MYH15: variants seen among roughly 807,000 people sequenced by gnomAD.
MYH15 encodes myosin heavy chain 15.
In MYH15, 227 loss-of-function variants were observed where a neutral mutation model predicts 240.5. The ratio of observed to expected loss-of-function variants is 0.94; its 90% CI spans 0.85 to 1.05. MYH15 has a LOEUF of 1.05. MYH15 is among the 50% of genes least tolerant of loss of function. MYH15 has a pLI of 0.00. For synonymous variants in MYH15, 785 were observed against 796.7 expected, an observed-to-expected ratio of 0.99 and a Z score of 0.25; for missense variants, 2,217 against 2,247.5, an observed-to-expected ratio of 0.99 and a Z score of 0.27.
intron 36 of MYH15, among the ~76,000 whole-genome samples, chr3:108,392,353 T>G (rs1311543788): frequency 6.6e-6 from 1 of 152,196 alleles, no homozygotes; most frequent in Non-Finnish European, 1.5e-5. Flanking sequence ...CACATCTCAC[T>G]TCTATAATTC....
At chr3:108,510,636 T>A (rs749899364), upstream of MYH15, 5 of 1,563,356 alleles carry the variant, frequency 3.2e-6, no homozygotes, top group Admixed American at 1.9e-5. Context: ...AAATAAGGCA[T>A]CAAGCTCTAA....
At chr3:108,391,629 A>G in intron 37 of MYH15, 131 bp downstream of exon 37, 2 of 959,828 alleles carry the variant, frequency 2.1e-6, no homozygotes, top group South Asian at 1.7e-5. Context: ...ACACTCTTAA[A>G]TATCTGAAAG....
At chr3:108,499,109 G>A (rs1029976949) in intron 5 of MYH15, among the ~76,000 whole-genome samples, 1 of 152,124 alleles carries the variant, frequency 6.6e-6, no homozygotes, top group Non-Finnish European at 1.5e-5. Context: ...CCTATTGGAC[G>A]TTCAGCCCCT....
intron 32 of MYH15, among the ~76,000 whole-genome samples, chr3:108,406,979 G>C (rs2082551509): frequency 1.3e-5 from 2 of 152,144 alleles, no homozygotes; most frequent in East Asian, 3.8e-4. Flanking sequence ...GCTTCAAAAA[G>C]TCCCTTGCCA....
chr3:108,387,324 T>C (rs761095656), intron 38 of MYH15, among the ~76,000 whole-genome samples: 5 of 152,200 alleles, frequency 3.3e-5, no homozygotes, highest in East Asian at 1.9e-4. Context: ...TCCTCTAATG[T>C]CTTTTTAAAC....
the MYH15 span, among the ~76,000 whole-genome samples, chr3:108,541,704 T>A: frequency 6.6e-6 from 1 of 152,146 alleles, no homozygotes; most frequent in African/African-American, 2.4e-5. Context: ...GAATGACATC[T>A]GTATAATAAC....
rs552215584 is a variant in MYH15, at chr3:108,479,318, A to G, written c.1115-2803T>C. 3.9e-5 allele frequency among the ~76,000 whole-genome samples: 6 copies of G among 152,296 alleles called. No individual in the cohort carries two copies. In the South Asian group the frequency reaches 1.2e-3, roughly 32 times the overall value. On this transcript the variant is annotated intron_variant, in intron 11 of 40. Coordinates refer to ENST00000693548, the MANE Select transcript of MYH15 (RefSeq NM_014981.3). ...CATGATCTTACCTGGGAGAGGTAACATTTAGCTAGAGAGGTGGTTCTCAAG... is the reference window on the plus strand; with the variant it reads ...CATGATCTTACCTGGGAGAGGTAACGTTTAGCTAGAGAGGTGGTTCTCAAG...
At chr3:108,455,070 C>A (rs76647164) in intron 20 of MYH15, among the ~76,000 whole-genome samples, 2,316 of 152,296 alleles carry the variant, frequency 0.015, 55 homozygotes, top group African/African-American at 0.048. Context: ...CTACAGAGTT[C>A]TAATTCTATG....
intron 25 of MYH15, among the ~76,000 whole-genome samples, chr3:108,432,429 A>G (rs943007672): frequency 1.3e-5 from 2 of 152,132 alleles, no homozygotes; most frequent in African/African-American, 4.8e-5. Flanking sequence ...GTGATAGAAA[A>G]AAAAAAATCC....
chr3:108,463,303 G>A, intron 15 of MYH15, 60 bp from the exon 16 acceptor site: 3 of 1,535,744 alleles, frequency 2.0e-6, no homozygotes, highest in South Asian at 1.3e-5. Flanking sequence ...AGTTAACATG[G>A]AAGGCTGTGC....
At chr3:108,417,003 C>T in intron 28 of MYH15, 73 bp from the exon 29 acceptor site, 1 of 1,192,828 alleles carries the variant, frequency 8.4e-7, no homozygotes, top group South Asian at 1.3e-5. Flanking sequence ...GACTTACTGA[C>T]TTTAAGGGTA....
At position 108,485,071 on chromosome 3, in the gene MYH15, A is replaced by G. The variant is rs970157163; in HGVS notation, c.1114+20T>C. ...CCCAGAGATTTGAAGTATATACCAT[A>G]TCTTCAAAGTAATTCTTACTTTCTG... is the stretch of plus-strand genomic sequence containing the variant. On this transcript the variant is annotated intron_variant, in intron 11 of 40. Transcript: ENST00000693548. 1 of 1,612,786 alleles carries G rather than the reference A, an allele frequency of 6.2e-7. No homozygotes were observed.
the MYH15 span, among the ~76,000 whole-genome samples, chr3:108,542,881 C>CTT: frequency 8.1e-3 from 1,076 of 133,188 alleles, 20 homozygotes; most frequent in African/African-American, 0.011. Context: ...GATCTCGTTC[C>CTT]TTTTTTTTTT....
At chr3:108,492,787 G>GA (rs1468503172) in intron 8 of MYH15, among the ~76,000 whole-genome samples, 192 bp from the exon 9 acceptor site, 1 of 151,962 alleles carries the variant, frequency 6.6e-6, no homozygotes, top group Non-Finnish European at 1.5e-5. Flanking sequence ...TTTCCACAAA[G>GA]AAAAATTTTT....
intron 1 of MYH15, among the ~76,000 whole-genome samples, chr3:108,506,910 A>T (rs1405074836): frequency 6.6e-6 from 1 of 152,178 alleles, no homozygotes; most frequent in Non-Finnish European, 1.5e-5. Context: ...GTGTGCCTGT[A>T]ATCCCAGCTA....
rs34041576 is a variant in MYH15 at position 108,383,740 on chromosome 3, A to AAT, written c.5632-12_5632-11insAT. ...ATTGGCTTGTGTTTCCTATAAAAAT[A>AAT]AAAAAAAAAAAAAAGAAATCTCCAT... On this transcript the variant is annotated splice_polypyrimidine_tract_variant and intron_variant, in intron 39 of 40. Coordinates refer to ENST00000693548, the MANE Select transcript of MYH15 (RefSeq NM_014981.3). 692 of 771,592 alleles carry AAT rather than the reference A, an allele frequency of 9.0e-4. 1 individual carries two copies. The highest frequency in any genetic ancestry group is 1.1e-3 in the Non-Finnish European group (632 of 567,704). 47.8% of individuals were successfully genotyped at this position (771,592 alleles called of 1,614,324 possible).
chr3:108,494,165 G>A lies in MYH15; in HGVS notation c.712-988C>T, dbSNP rs557039561. Reference sequence around the variant, plus strand: ...CAGGACAGCAGCCTGGCAAGAAGACGTGAGTGGCTCTGTACAGGGGGATCA... The same window carrying A: ...CAGGACAGCAGCCTGGCAAGAAGACATGAGTGGCTCTGTACAGGGGGATCA... On this transcript the variant is annotated intron_variant, in intron 7 of 40. Coordinates refer to ENST00000693548, the MANE Select transcript of MYH15 (RefSeq NM_014981.3). Among the ~76,000 whole-genome samples the A allele has an allele frequency of 5.3e-5, 8 of 152,334 alleles. No homozygotes were observed. In the South Asian group the frequency reaches 1.0e-3, roughly 20 times the overall value.
chr3:108,448,055 A>C (rs987402520), intron 21 of MYH15, among the ~76,000 whole-genome samples: 2 of 152,120 alleles, frequency 1.3e-5, no homozygotes, highest in African/African-American at 4.8e-5. Flanking sequence ...TGTCAGCCTT[A>C]AGATAAACAT....
chr3:108,485,358 A>G, intron 10 of MYH15, 129 bp from the exon 11 acceptor site: 2 of 1,022,700 alleles, frequency 2.0e-6, no homozygotes, highest in South Asian at 1.7e-5. Context: ...GTTCAAAGCA[A>G]TGCAAATCAG....
Sources: gnomAD v4.1 joint callset for allele counts (sites outside exome capture counted in the v4.1 genomes callset) on GRCh38, gnomAD v4.1.1 for gene constraint, MANE v1.5 for transcripts, NCBI Gene and HGNC (gene_info 2026-07-23, HGNC 2026-07-21) for gene names.